Variants in KDM4B observed in about 807,000 individuals in gnomAD.
KDM4B encodes the protein lysine demethylase 4B, also known as lysine-specific demethylase 4B.
KDM4B carries 32 observed loss-of-function variants against 125.2 expected under a neutral mutation model. The ratio of observed to expected loss-of-function variants is 0.26; its 90% CI spans 0.19 to 0.34. The LOEUF is 0.34. KDM4B is among the 10% of genes least tolerant of loss of function. The pLI is 1.00. For missense variants in KDM4B, 1,190 were observed against 1,577.7 expected (o/e 0.75, Z 4.16); for synonymous variants, 721 against 677.9 (o/e 1.06, Z -0.99).
At position 5,081,639 on chromosome 19, in the gene KDM4B, T is replaced by TA. The variant is rs1568283231; in HGVS notation, c.781-728_781-727insA. Among the ~76,000 whole-genome samples the TA allele has an allele frequency of 6.6e-6, 1 of 152,152 alleles. No individual in the cohort carries two copies. Among genetic ancestry groups the TA allele is most frequent in the Admixed American group, 6.5e-5 (1 of 15,274 alleles). ...GAATTGGACCTGGGTCTGGAAGCAT[T>TA]GGCCCGCTCTCCAGGGTGCTGATCT... On this transcript the variant is annotated intron_variant, in intron 8 of 22. Coordinates refer to ENST00000159111, the MANE Select transcript of KDM4B (RefSeq NM_015015.3). The surrounding 1 kb of genome is among the most constrained non-coding windows in gnomAD (Gnocchi z 4.2).
intron 2 of KDM4B, among the ~76,000 whole-genome samples, chr19:5,018,656 A>G (rs1180323762): frequency 6.6e-6 from 1 of 152,228 alleles, no homozygotes; most frequent in African/African-American, 2.4e-5. Context: ...GGGCAGCATC[A>G]CCACTCATTC....
At chr19:5,133,149 C>T (rs1293505920) in intron 13 of KDM4B, among the ~76,000 whole-genome samples, 1 of 152,142 alleles carries the variant, frequency 6.6e-6, no homozygotes, top group African/African-American at 2.4e-5. Context: ...ACAGGAGATG[C>T]AGGGAGGGGA....
chr19:5,058,709 G>T (rs2037487714), intron 6 of KDM4B, among the ~76,000 whole-genome samples: 1 of 152,244 alleles, frequency 6.6e-6, no homozygotes, highest in African/African-American at 2.4e-5. Context: ...TGGTCTGGCA[G>T]GAGCAGATGG....
At position 5,137,613 on chromosome 19, in the gene KDM4B, C is replaced by T; in HGVS notation, c.2386-8C>T. 1 of 1,603,814 alleles carries T rather than the reference C, an allele frequency of 6.2e-7. No homozygotes were observed. The highest frequency in any genetic ancestry group is 8.5e-7 in the Non-Finnish European group (1 of 1,178,250). Reference sequence around the variant, plus strand: ...CCCTGCTCATCCAGGGCTGTCTGGTCTCCACAGGAGTGCTGCCTGTGCAAC... The same window carrying T: ...CCCTGCTCATCCAGGGCTGTCTGGTTTCCACAGGAGTGCTGCCTGTGCAAC... On this transcript the variant is annotated splice_polypyrimidine_tract_variant and splice_region_variant and intron_variant, in intron 16 of 22. Transcript: ENST00000159111.
At chr19:5,005,160 T>G (rs757926347) in intron 1 of KDM4B, among the ~76,000 whole-genome samples, 1 of 152,012 alleles carries the variant, frequency 6.6e-6, no homozygotes, top group Admixed American at 6.5e-5. Context: ...GTGTGTGGAG[T>G]TGATGGTGGA....
At chr19:5,041,114 G>A in intron 4 of KDM4B, 23 bp from the exon 5 acceptor site, 1 of 1,549,260 alleles carries the variant, frequency 6.5e-7, no homozygotes. Flanking sequence ...CCCTGAGCTG[G>A]TTTTGGGGTG....
At chr19:5,092,893 CA>C (rs1185906133) in intron 9 of KDM4B, among the ~76,000 whole-genome samples, 2 of 151,294 alleles carry the variant, frequency 1.3e-5, no homozygotes, top group African/African-American at 4.9e-5. Context: ...AGAGAACCTC[CA>C]GGGGCAACTG....
chr19:4,983,407 C>G (rs2034716331), intron 1 of KDM4B, among the ~76,000 whole-genome samples: 1 of 152,208 alleles, frequency 6.6e-6, no homozygotes. Context: ...CTGACATTCA[C>G]CAGCAATGGC....
Position 4,971,228 on chromosome 19 carries a change from A to C in KDM4B, c.-109+1998A>C, listed in dbSNP as rs1386577433. Among the ~76,000 whole-genome samples, 2 of 152,056 alleles carry C rather than the reference A, an allele frequency of 1.3e-5. No individual in the cohort carries two copies. The highest frequency in any genetic ancestry group is 2.9e-5 in the Non-Finnish European group (2 of 68,020). On this transcript the variant is annotated intron_variant, in intron 1 of 22. Transcript: ENST00000159111. The surrounding 1 kb of genome is among the most constrained non-coding windows in gnomAD (Gnocchi z 4.1). ...CGCTTAAAGGTATAGCTGATCAGCCACCGCACAGCACCCCGCCTGGCCTTT... is the reference window on the plus strand; with the variant it reads ...CGCTTAAAGGTATAGCTGATCAGCCCCCGCACAGCACCCCGCCTGGCCTTT...
At chr19:5,122,301 C>T (rs2039375828) in intron 11 of KDM4B, among the ~76,000 whole-genome samples, 1 of 152,206 alleles carries the variant, frequency 6.6e-6, no homozygotes, top group Admixed American at 6.5e-5. Context: ...TACCTTCTAC[C>T]CGGTGAGGAC....
intron 9 of KDM4B, among the ~76,000 whole-genome samples, chr19:5,100,333 G>A (rs946459594): frequency 2.0e-5 from 3 of 152,142 alleles, no homozygotes; most frequent in Non-Finnish European, 2.9e-5. Flanking sequence ...CCCATCACTC[G>A]CTATTGGGCT....
At chr19:5,086,954 AG>A (rs2038521703) in intron 9 of KDM4B, among the ~76,000 whole-genome samples, 1 of 152,252 alleles carries the variant, frequency 6.6e-6, no homozygotes, top group South Asian at 2.1e-4. Flanking sequence ...TCCCTGCAGC[AG>A]GTGGCTTACC....
At chr19:5,057,794 G>A (rs1323008624) in intron 6 of KDM4B, among the ~76,000 whole-genome samples, 1 of 152,246 alleles carries the variant, frequency 6.6e-6, no homozygotes, top group Non-Finnish European at 1.5e-5. Flanking sequence ...GGCGAGGGTG[G>A]CCTGAACCCG....
intron 1 of KDM4B, among the ~76,000 whole-genome samples, chr19:5,007,542 C>CTTTTT (rs10536135): frequency 1.1e-4 from 11 of 100,754 alleles, no homozygotes; most frequent in South Asian, 3.4e-4. Context: ...TTCTCTCTCT[C>CTTTTT]TTTTTTTTTT....
At chr19:5,008,716 G>A (rs982725765) in intron 1 of KDM4B, among the ~76,000 whole-genome samples, 96 of 148,308 alleles carry the variant, frequency 6.5e-4, no homozygotes, top group Middle Eastern at 3.6e-3. Context: ...TCAGTCCCCT[G>A]ATTAGCTGGG....
intron 3 of KDM4B, among the ~76,000 whole-genome samples, chr19:5,036,832 C>G (rs1219072522): frequency 6.6e-6 from 1 of 152,248 alleles, no homozygotes; most frequent in Non-Finnish European, 1.5e-5. Flanking sequence ...TCACTTCTGT[C>G]CTCTTCCGCC....
Position 5,092,631 on chromosome 19 carries a change from C to T in KDM4B, c.918+10127C>T, listed in dbSNP as rs529016677. Among the ~76,000 whole-genome samples, 13 of 152,310 alleles carry T rather than the reference C, an allele frequency of 8.5e-5. 1 individual carries two copies. The South Asian group carries it at 2.7e-3, about 32-fold the overall frequency. On this transcript the variant is annotated intron_variant, in intron 9 of 22. Transcript: ENST00000159111. ...ATGGACAGAGCTGGTTCGGGGGCTG[C>T]AGCTGGTTGCTGCCTGGCATCAGAG...
chr19:5,132,562 A>T (rs553742788), intron 13 of KDM4B, among the ~76,000 whole-genome samples: 9 of 152,170 alleles, frequency 5.9e-5, no homozygotes, highest in Non-Finnish European at 1.0e-4. Context: ...AGGGTTCTAG[A>T]AGCGCGTGGG....
chr19:5,147,594 T>C (rs2039873379), intron 21 of KDM4B, among the ~76,000 whole-genome samples: 1 of 151,806 alleles, frequency 6.6e-6, no homozygotes, highest in Non-Finnish European at 1.5e-5. Flanking sequence ...AAAAACAAAA[T>C]TAGCTGGGCA....
Sources: allele counts gnomAD v4.1 joint callset (sites outside exome capture counted in the v4.1 genomes callset), GRCh38; gene constraint gnomAD v4.1.1; non-coding constraint Gnocchi (gnomAD v3.1); transcripts MANE v1.5; gene names NCBI Gene and HGNC (gene_info 2026-07-23, HGNC 2026-07-21).